Variants in DNER observed in about 807,000 individuals in gnomAD.
The protein encoded by DNER is delta and Notch-like epidermal growth factor-related receptor.
Under a neutral mutation model 78.2 loss-of-function variants are expected in DNER, and 33 were observed. That is an observed-to-expected ratio of 0.42 (90% CI 0.32 to 0.56). The LOEUF is 0.56. Among genes scored for constraint, DNER ranks in the 20% least tolerant of loss-of-function variants. The pLI is 0.11. For missense variants in DNER, 918 were observed against 975.3 expected, an observed-to-expected ratio of 0.94 and a Z score of 0.78; for synonymous variants, 417 against 384.8, an observed-to-expected ratio of 1.08 and a Z score of -0.98.
intron 1 of DNER, among the ~76,000 whole-genome samples, chr2:229,703,189 G>A (rs1699777179): frequency 6.6e-6 from 1 of 151,872 alleles, no homozygotes; most frequent in African/African-American, 2.4e-5. Flanking sequence ...GTGTAGAATT[G>A]GCAAAAAGAG....
intron 5 of DNER, among the ~76,000 whole-genome samples, chr2:229,539,914 C>T (rs554769242): frequency 4.6e-5 from 7 of 152,312 alleles, no homozygotes; most frequent in Admixed American, 6.5e-5. Flanking sequence ...CCTGTCCCTG[C>T]GGCCTTGTAA....
intron 1 of DNER, among the ~76,000 whole-genome samples, chr2:229,689,007 G>T (rs1280021963): frequency 1.3e-5 from 2 of 152,162 alleles, no homozygotes; most frequent in Non-Finnish European, 2.9e-5. Flanking sequence ...AGTTGGGGGA[G>T]GGAGAGCCTC....
intron 11 of DNER, among the ~76,000 whole-genome samples, chr2:229,380,293 A>G (rs1321878319): frequency 1.3e-5 from 2 of 152,166 alleles, no homozygotes; most frequent in African/African-American, 2.4e-5. Flanking sequence ...TGTGACATAG[A>G]GAGGAGTGGA....
intron 11 of DNER, among the ~76,000 whole-genome samples, chr2:229,383,492 TG>T (rs563089989): frequency 6.6e-4 from 100 of 152,252 alleles, no homozygotes; most frequent in Non-Finnish European, 1.1e-3. Flanking sequence ...CAAGACCCAT[TG>T]GTGTGCTGTA....
At chr2:229,647,028 A>G (rs1182792842) in intron 1 of DNER, among the ~76,000 whole-genome samples, 1 of 152,170 alleles carries the variant, frequency 6.6e-6, no homozygotes, top group African/African-American at 2.4e-5. Flanking sequence ...TTAGCTGGGC[A>G]TGGTGGCACA....
intron 10 of DNER, among the ~76,000 whole-genome samples, chr2:229,401,190 G>C (rs1408350986): frequency 6.6e-6 from 1 of 151,994 alleles, no homozygotes. Flanking sequence ...TGCTGGCAAG[G>C]ATGTAGAGAA....
intron 7 of DNER, among the ~76,000 whole-genome samples, chr2:229,462,365 T>A (rs888674535): frequency 1.3e-5 from 2 of 152,084 alleles, no homozygotes; most frequent in African/African-American, 4.8e-5. Context: ...ACAATTCACA[T>A]CAAAGAAATG....
At chr2:229,487,524 A>G (rs1241737168) in intron 6 of DNER, among the ~76,000 whole-genome samples, 2 of 152,258 alleles carry the variant, frequency 1.3e-5, no homozygotes, top group Non-Finnish European at 2.9e-5. Context: ...ACTACTCCTG[A>G]GAAGTTGAAA....
intron 1 of DNER, among the ~76,000 whole-genome samples, chr2:229,608,701 A>C (rs75111173): frequency 6.6e-6 from 1 of 152,104 alleles, no homozygotes; most frequent in African/African-American, 2.4e-5. Context: ...TGGAAGAATC[A>C]TTGTTTCTGG....
chr2:229,688,283 C>T (rs1394427028), intron 1 of DNER, among the ~76,000 whole-genome samples: 1 of 152,200 alleles, frequency 6.6e-6, no homozygotes, highest in African/African-American at 2.4e-5. Flanking sequence ...CTATCCCAGA[C>T]TTCTCTGTAG....
At chr2:229,534,388 G>C (rs1177897385) in intron 5 of DNER, among the ~76,000 whole-genome samples, 1 of 152,130 alleles carries the variant, frequency 6.6e-6, no homozygotes, top group Non-Finnish European at 1.5e-5. Context: ...TAATGTAACA[G>C]ACCAATAGAT....
intron 8 of DNER, among the ~76,000 whole-genome samples, chr2:229,430,666 CGT>C (rs1693983711): frequency 6.8e-6 from 1 of 146,628 alleles, no homozygotes; most frequent in Admixed American, 6.9e-5. Context: ...ACCTTGTGAT[CGT>C]GTGACTTAAT....
At chr2:229,445,319 C>T (rs1694317583) in intron 8 of DNER, among the ~76,000 whole-genome samples, 1 of 152,206 alleles carries the variant, frequency 6.6e-6, no homozygotes, top group Non-Finnish European at 1.5e-5. Flanking sequence ...TTCCTGTCTC[C>T]ACCCTGGCTC....
chr2:229,494,887 A>G (rs1050296441), intron 6 of DNER, among the ~76,000 whole-genome samples: 7 of 152,192 alleles, frequency 4.6e-5, no homozygotes, highest in African/African-American at 1.7e-4. Flanking sequence ...CCTTTAGTTC[A>G]AACTGAGAGT....
At chr2:229,426,268 T>C (rs1693875033) in intron 8 of DNER, among the ~76,000 whole-genome samples, 2 of 151,846 alleles carry the variant, frequency 1.3e-5, no homozygotes, top group Non-Finnish European at 2.9e-5. Flanking sequence ...TGTGAAACCC[T>C]GTCTCTACTA....
At chr2:229,419,699 A>G (rs1466010383) in intron 8 of DNER, among the ~76,000 whole-genome samples, 3 of 152,102 alleles carry the variant, frequency 2.0e-5, no homozygotes, top group African/African-American at 7.2e-5. Context: ...CCTACCTAAG[A>G]CAAATATACT....
chr2:229,710,381 T>A (rs992784238), intron 1 of DNER, among the ~76,000 whole-genome samples: 32 of 152,254 alleles, frequency 2.1e-4, no homozygotes, highest in Non-Finnish European at 3.4e-4. Context: ...CCAGCCTGGC[T>A]GGCTCAAATT....
intron 1 of DNER, among the ~76,000 whole-genome samples, chr2:229,632,864 G>C (rs1207116359): frequency 1.3e-5 from 2 of 152,146 alleles, no homozygotes; most frequent in Non-Finnish European, 2.9e-5. Context: ...AAAAGCTCTA[G>C]AGTGAGCAAA....
At chr2:229,525,331 G>T (rs1559157206) in intron 5 of DNER, among the ~76,000 whole-genome samples, 1 of 152,276 alleles carries the variant, frequency 6.6e-6, no homozygotes. Context: ...GAGAGAGACT[G>T]TAAATAAATT....
Sources: allele counts gnomAD v4.1 joint callset (sites outside exome capture counted in the v4.1 genomes callset), GRCh38; gene constraint gnomAD v4.1.1; transcripts MANE v1.5; gene names NCBI Gene and HGNC (gene_info 2026-07-23, HGNC 2026-07-21).